NUP210: variants seen among roughly 807,000 people sequenced by gnomAD.
The protein encoded by NUP210 is nucleoporin 210.
In NUP210, 151 loss-of-function variants were observed where a neutral mutation model predicts 196.0. The observed-to-expected ratio is 0.77, with a 90% confidence interval of 0.67 to 0.88. The LOEUF is 0.88. Among genes scored for constraint, NUP210 ranks in the 40% least tolerant of loss-of-function variants. The pLI is 0.00. For missense variants in NUP210, 2,314 were observed against 2,493.7 expected (o/e 0.93, Z 1.53); for synonymous variants, 1,070 against 1,052.7 (o/e 1.02, Z -0.32).
intron 1 of NUP210, among the ~76,000 whole-genome samples, chr3:13,418,813 A>T (rs1203196599): frequency 6.6e-6 from 1 of 150,674 alleles, no homozygotes; most frequent in Non-Finnish European, 1.5e-5. Context: ...AAACAAACAA[A>T]ATTAGCCAGG....
At position 13,352,168 on chromosome 3, in the gene NUP210, G is replaced by T. The variant is rs150399138; in HGVS notation, c.2645C>A (p.Pro882His). The T allele has an allele frequency of 9.3e-6, 15 of 1,613,170 alleles. No homozygotes were observed. Among genetic ancestry groups the T allele is most frequent in the Non-Finnish European group, 1.3e-5 (15 of 1,179,724 alleles). Residue 882 changes from proline to histidine, a missense_variant, in exon 19 of 40, where the codon CCT becomes CAT. Pro to His is a moderately conservative substitution (Grantham distance 77). Coordinates refer to ENST00000254508, the MANE Select transcript of NUP210 (RefSeq NM_024923.4). ...RTKQPHDPLV[P>H]LSASIELILV... is the part of the protein sequence containing the mutation. ...GATGAGCTCTATGGAGGCCGACAGA[G>T]GCACCAGAGGGTCATGCTGAAGGAC...
intron 11 of NUP210, among the ~76,000 whole-genome samples, chr3:13,375,124 C>T (rs1165502425): frequency 3.0e-4 from 44 of 145,876 alleles, no homozygotes; most frequent in African/African-American, 1.1e-3. Context: ...TCCAGGTTTT[C>T]TTTATTCTAT....
Position 13,347,468 on chromosome 3 carries a change from C to T in NUP210, c.2836-4165G>A. ...AACCAGCCGAAAACAAAATAAAGGC[C>T]CTTACAGAGCGTTCTGGGGCTGTGT... On this transcript the variant is annotated intron_variant, in intron 20 of 39. Coordinates refer to ENST00000254508, the MANE Select transcript of NUP210 (RefSeq NM_024923.4). This position sits in a 1 kb window ranked among gnomAD's most constrained non-coding sequence, Gnocchi z 4.7. 3.0e-6 allele frequency: 1 copy of T among 332,514 alleles called. No homozygotes were observed. Among genetic ancestry groups the T allele is most frequent in the Non-Finnish European group, 4.3e-6 (1 of 233,156 alleles). 20.6% of individuals were successfully genotyped at this position (332,514 alleles called of 1,614,324 possible). A position where few individuals can be genotyped will look rare whatever the true frequency, so the allele number is the denominator to read the frequency against.
intron 1 of NUP210, among the ~76,000 whole-genome samples, chr3:13,402,237 G>T (rs902659400): frequency 1.3e-5 from 2 of 151,934 alleles, no homozygotes; most frequent in Non-Finnish European, 2.9e-5. Context: ...TAAATATAAA[G>T]AATAAAGAAA....
In NUP210 at chr3:13,327,299, T is replaced by G; in HGVS notation, c.4425A>C (p.Leu1475=). Residue 1475 remains leucine, a synonymous_variant, in exon 32 of 40, where the codon CTA becomes CTC. Transcript: ENST00000254508. ...CAGACAGCTCTGGGGAGATGGCCTG[T>G]AGGACAGGCAGGGGCATGAAGTCCG... ...GLSDFMPLPV[L]QAISPELSGA... is the part of the protein sequence containing the mutation. 2 of 1,613,450 alleles carry G rather than the reference T, an allele frequency of 1.2e-6. No individual in the cohort carries two copies. The highest frequency in any genetic ancestry group is 1.1e-5 in the South Asian group (1 of 91,072).
intron 16 of NUP210, among the ~76,000 whole-genome samples, chr3:13,356,750 T>C (rs1698184198): frequency 2.6e-5 from 4 of 152,262 alleles, no homozygotes; most frequent in African/African-American, 9.6e-5. Flanking sequence ...ATCACACAGC[T>C]ACTCCGTGTT....
intron 28 of NUP210, among the ~76,000 whole-genome samples, 169 bp downstream of exon 28, chr3:13,335,285 A>G (rs1301862842): frequency 1.3e-5 from 2 of 152,080 alleles, no homozygotes; most frequent in African/African-American, 2.4e-5. Context: ...CCATAGCACC[A>G]ATCACACCCG....
At chr3:13,366,852 C>T (rs141205606) in intron 13 of NUP210, among the ~76,000 whole-genome samples, 3,520 of 151,238 alleles carry the variant, frequency 0.023, 136 homozygotes, top group African/African-American at 0.08. Context: ...CAGCCAGGCA[C>T]GGTGGCTCAC....
rs1036311134 is a variant in NUP210, at chr3:13,330,247, G to A, written c.4110+213C>T. On this transcript the variant is annotated intron_variant, in intron 30 of 39. Transcript: ENST00000254508. ...GCCTCATCTATGAAATGAAGTTCTTGGAATCAATGATTTCCCAAGGATCTT... is the reference window on the plus strand; with the variant it reads ...GCCTCATCTATGAAATGAAGTTCTTAGAATCAATGATTTCCCAAGGATCTT... Among the ~76,000 whole-genome samples, 4 of 152,194 alleles carry A rather than the reference G, an allele frequency of 2.6e-5. No homozygotes were observed. The East Asian group carries it at 7.7e-4, about 29-fold the overall frequency.
intron 25 of NUP210, among the ~76,000 whole-genome samples, chr3:13,338,533 A>T (rs1416399098): frequency 6.6e-6 from 1 of 152,152 alleles, no homozygotes; most frequent in Non-Finnish European, 1.5e-5. Flanking sequence ...AATGCCTGGC[A>T]CACAGTAAGT....
In NUP210 at chr3:13,350,408, G is replaced by A. The variant is rs57137703; in HGVS notation, c.2835+1471C>T. ...GTTTCTACAATACATTACCTAAAAT[G>A]TCCAGTTTCCAACAATTATAGGACA... On this transcript the variant is annotated intron_variant, in intron 20 of 39. Coordinates refer to ENST00000254508, the MANE Select transcript of NUP210 (RefSeq NM_024923.4). The surrounding 1 kb of genome is among the most constrained non-coding windows in gnomAD (Gnocchi z 4.1). 1.7e-3 allele frequency among the ~76,000 whole-genome samples: 256 copies of A among 151,952 alleles called. 1 individual carries two copies. Among genetic ancestry groups the A allele is most frequent in the African/African-American group, 5.8e-3 (242 of 41,394 alleles).
chr3:13,359,698 G>A (rs189923149), intron 15 of NUP210, among the ~76,000 whole-genome samples: 66 of 152,266 alleles, frequency 4.3e-4, no homozygotes, highest in African/African-American at 1.3e-3. Flanking sequence ...CACCCTCCCC[G>A]GGGAAGGAGT....
intron 15 of NUP210, among the ~76,000 whole-genome samples, chr3:13,358,931 G>A (rs1251788431): frequency 6.6e-6 from 1 of 152,232 alleles, no homozygotes. Flanking sequence ...CTGCTGCAGA[G>A]AGGGAAATCC....
chr3:13,391,049 A>T (rs746562842), intron 4 of NUP210, among the ~76,000 whole-genome samples, 162 bp downstream of exon 4: 5 of 152,190 alleles, frequency 3.3e-5, no homozygotes, highest in Admixed American at 1.3e-4. Flanking sequence ...GTGTGAGTGG[A>T]TCCCATTCCT....
In NUP210 at chr3:13,413,194, G is replaced by A. The variant is rs185365035; in HGVS notation, c.167+6866C>T. Reference sequence around the variant, plus strand: ...GCAGAAGAATTGCTTGAGGCCGGGCGCGGTGGCTCACACCTGTAATCCCAG... The same window carrying A: ...GCAGAAGAATTGCTTGAGGCCGGGCACGGTGGCTCACACCTGTAATCCCAG... On this transcript the variant is annotated intron_variant, in intron 1 of 39. Transcript: ENST00000254508. 4.3e-3 allele frequency among the ~76,000 whole-genome samples: 642 copies of A among 149,578 alleles called. 2 individuals carry two copies. Among genetic ancestry groups the A allele is most frequent in the African/African-American group, 0.015 (600 of 40,652 alleles).
At chr3:13,402,121 G>A (rs1047834934) in intron 1 of NUP210, among the ~76,000 whole-genome samples, 4 of 152,150 alleles carry the variant, frequency 2.6e-5, no homozygotes, top group Non-Finnish European at 5.9e-5. Context: ...GATCCCTTGA[G>A]CCCAGGAGTT....
At chr3:13,354,165 AC>A in intron 16 of NUP210, 58 bp from the exon 17 acceptor site, 1 of 1,439,922 alleles carries the variant, frequency 6.9e-7, no homozygotes, top group Non-Finnish European at 9.5e-7. Context: ...CTGGACACTG[AC>A]CACGCAGTGC....
chr3:13,377,263 C>T (rs1302780796), intron 9 of NUP210, among the ~76,000 whole-genome samples, 193 bp downstream of exon 9: 1 of 152,190 alleles, frequency 6.6e-6, no homozygotes, highest in Non-Finnish European at 1.5e-5. Flanking sequence ...GGTGTGCAGG[C>T]TCACAGGCTC....
chr3:13,341,877 A>C lies in NUP210; in HGVS notation c.3099T>G (p.Leu1033=), dbSNP rs765986298. The C allele has an allele frequency of 6.2e-7, 1 of 1,614,176 alleles. No individual in the cohort carries two copies. Among genetic ancestry groups the C allele is most frequent in the South Asian group, 1.1e-5 (1 of 91,084 alleles). The change falls in exon 23 of 40, where the codon CTT becomes CTG. Residue 1033 remains leucine (L), a synonymous_variant. Coordinates refer to ENST00000254508, the MANE Select transcript of NUP210 (RefSeq NM_024923.4). The stretch of plus-strand genomic sequence containing the variant: ...TGGTGTAGTTGTCAAGGGCTTCATC[A>C]AGGGCCCTGAAACAGAGGGAAGGGC... ...AASPIITLVA[L]DEALDNYTIT...
Sources: allele counts gnomAD v4.1 joint callset (sites outside exome capture counted in the v4.1 genomes callset), GRCh38; gene constraint gnomAD v4.1.1; non-coding constraint Gnocchi (gnomAD v3.1); transcripts MANE v1.5; gene names NCBI Gene and HGNC (gene_info 2026-07-23, HGNC 2026-07-21).